The following MED13L variants were observed in gnomAD, a reference collection of about 807,000 sequenced individuals.
MED13L encodes mediator of RNA polymerase II transcription subunit 13-like.
In MED13L, 7 loss-of-function variants were observed where a neutral mutation model predicts 220.9. That is an observed-to-expected ratio of 0.03 (90% CI 0.02 to 0.06). The LOEUF is 0.06. Ranked by LOEUF, MED13L falls within the 10% of genes least tolerant of loss-of-function variation. The pLI, the probability that MED13L is intolerant of heterozygous loss-of-function variation, is 1.00. For missense variants in MED13L, 1,965 were observed against 2,760.5 expected (o/e 0.71, Z 6.46); for synonymous variants, 1,011 against 1,015.2 (o/e 1.00, Z 0.08).
intron 1 of MED13L, among the ~76,000 whole-genome samples, chr12:116,258,628 T>C (rs1872248545): frequency 6.6e-6 from 1 of 151,856 alleles, no homozygotes; most frequent in Non-Finnish European, 1.5e-5. Context: ...AATACAAAAA[T>C]TAGCCTGGCA....
intron 13 of MED13L, 131 bp from the exon 14 acceptor site, chr12:116,003,233 T>TA: frequency 1.4e-6 from 1 of 737,546 alleles, no homozygotes; most frequent in Admixed American, 2.1e-5. Flanking sequence ...CCTCTAGAAA[T>TA]ACCAACAGAT....
At chr12:116,268,662 G>A (rs949602285) in intron 1 of MED13L, among the ~76,000 whole-genome samples, 2 of 149,910 alleles carry the variant, frequency 1.3e-5, no homozygotes, top group African/African-American at 2.4e-5. Context: ...TCATAAATTT[G>A]TCAAATGTTT....
rs376649530 is a variant in MED13L at position 116,019,734 on chromosome 12, G to C, written c.820+44C>G. ...ATGATTATCTTTTTAAATTAAGGAA[G>C]AGGAAGAAGAATAAAGTTCTTCAGG... On this transcript the variant is annotated intron_variant, in intron 6 of 30. Coordinates refer to ENST00000281928, the MANE Select transcript of MED13L (RefSeq NM_015335.5). The C allele has an allele frequency of 1.6e-4, 254 of 1,550,232 alleles. 1 individual carries two copies. Among genetic ancestry groups the C allele is most frequent in the Non-Finnish European group, 2.1e-4 (231 of 1,122,372 alleles).
intron 4 of MED13L, among the ~76,000 whole-genome samples, chr12:116,090,429 T>C (rs1212569744): frequency 6.6e-6 from 1 of 152,206 alleles, no homozygotes. Flanking sequence ...ATCAAATCTC[T>C]TGCAGTGGTG....
rs756880342 is a variant in MED13L, at chr12:115,991,248, G to T, written c.3706C>A (p.Pro1236Thr). 8 of 1,614,094 alleles carry T rather than the reference G, an allele frequency of 5.0e-6. No individual in the cohort carries two copies. In the Admixed American group the frequency reaches 1.2e-4, roughly 24 times the overall value. ...TCCAGGAAATTCAGTGAAGCAAAAG[G>T]TTGTGTGTGTTGATTCTGGAGGAGG... ...LLLLQNQHTQ[P>T]FASLNFLDYI... Residue 1236 changes from proline (P) to threonine (T), a missense_variant, in exon 17 of 31, where the codon CCT becomes ACT. This residue lies in a region of MED13L where 165 missense variants were observed against 190.8 expected (regional missense o/e 0.86). Coordinates refer to ENST00000281928, the MANE Select transcript of MED13L (RefSeq NM_015335.5). This position sits in a 1 kb window ranked among gnomAD's most constrained non-coding sequence, Gnocchi z 7.7.
chr12:116,210,802 G>GT (rs1882650877), intron 2 of MED13L, among the ~76,000 whole-genome samples: 2 of 151,836 alleles, frequency 1.3e-5, no homozygotes, highest in South Asian at 2.1e-4. Context: ...TAGGGAAAAT[G>GT]TAAGTAGTAA....
intron 2 of MED13L, among the ~76,000 whole-genome samples, chr12:116,188,130 TAA>T (rs11351336): frequency 1.3e-5 from 2 of 148,194 alleles, no homozygotes; most frequent in East Asian, 2.0e-4. Context: ...AACAAATTAT[TAA>T]AAAAAAAAAT....
intron 2 of MED13L, among the ~76,000 whole-genome samples, chr12:116,234,311 T>G (rs1869866398): frequency 6.6e-6 from 1 of 152,046 alleles, no homozygotes; most frequent in Non-Finnish European, 1.5e-5. Context: ...CACTGTAACC[T>G]CTGCCTCCCG....
At chr12:116,122,100 T>TA (rs962255740) in intron 2 of MED13L, among the ~76,000 whole-genome samples, 158 of 148,714 alleles carry the variant, frequency 1.1e-3, no homozygotes, top group Non-Finnish European at 1.4e-3. Context: ...TCGTAGTGTT[T>TA]AAAAAAAAAA....
chr12:116,185,562 C>T (rs774121047), intron 2 of MED13L, among the ~76,000 whole-genome samples: 2 of 152,110 alleles, frequency 1.3e-5, no homozygotes, highest in African/African-American at 4.8e-5. Flanking sequence ...TCAAAGCCCT[C>T]GGTAATCTGG....
At chr12:116,125,520 T>G (rs2137977725) in intron 2 of MED13L, among the ~76,000 whole-genome samples, 1 of 152,336 alleles carries the variant, frequency 6.6e-6, no homozygotes, top group South Asian at 2.1e-4. Context: ...CAGTGTATTT[T>G]GAAGAGAAGT....
At chr12:116,276,715 G>A in intron 1 of MED13L, 1 of 876,860 alleles carries the variant, frequency 1.1e-6, no homozygotes, top group Non-Finnish European at 1.5e-6. Flanking sequence ...ATTTACGGGG[G>A]GAAAAAAAGG....
intron 2 of MED13L, among the ~76,000 whole-genome samples, chr12:116,159,022 T>C (rs903192639): frequency 6.6e-5 from 10 of 152,174 alleles, no homozygotes; most frequent in African/African-American, 2.4e-4. Context: ...CTGAAAAATA[T>C]GTTCAATCCT....
At chr12:115,980,370 G>C (rs533114031) in intron 23 of MED13L, 3 of 223,748 alleles carry the variant, frequency 1.3e-5, no homozygotes, top group African/African-American at 6.8e-5. Flanking sequence ...TTGCTCTCCA[G>C]GCGGAAGTGG....
intron 2 of MED13L, among the ~76,000 whole-genome samples, chr12:116,125,625 A>G (rs1335450345): frequency 6.6e-6 from 1 of 152,192 alleles, no homozygotes; most frequent in Non-Finnish European, 1.5e-5. Context: ...GATAACATCT[A>G]TACAATTTCT....
Position 116,012,811 on chromosome 12 carries a change from G to T in MED13L, c.1266C>A (p.Ser422Arg). The change falls in exon 9 of 31, where the codon AGC (serine) becomes AGA (arginine). Residue 422 changes from serine (S) to arginine (R), a missense_variant. Around this residue, in one of 10 missense-constraint regions of MED13L, gnomAD observed 818 missense variants for 1,041.2 expected, o/e 0.79. Transcript: ENST00000281928. Reference protein sequence around the residue: ...WDFVDPTQRVSCSCSRHKLLK... With the variant: ...WDFVDPTQRVRCSCSRHKLLK... Reference sequence around the variant, plus strand: ...TTATTACCTACCTGGAACAAGAACAGCTGACTCTTTGGGTTGGATCCACAA... The same window carrying T: ...TTATTACCTACCTGGAACAAGAACATCTGACTCTTTGGGTTGGATCCACAA... The T allele has an allele frequency of 3.7e-6, 6 of 1,612,558 alleles. No homozygotes were observed. Among genetic ancestry groups the T allele is most frequent in the Non-Finnish European group, 5.1e-6 (6 of 1,178,586 alleles).
intron 2 of MED13L, among the ~76,000 whole-genome samples, chr12:116,181,839 C>A (rs1438521307): frequency 6.6e-6 from 1 of 152,174 alleles, no homozygotes; most frequent in African/African-American, 2.4e-5. Flanking sequence ...TTGTGAGCTG[C>A]AACAAAATGG....
chr12:116,000,615 T>A (rs184317797), intron 14 of MED13L, among the ~76,000 whole-genome samples: 18 of 152,332 alleles, frequency 1.2e-4, no homozygotes, highest in Non-Finnish European at 2.1e-4. Context: ...TCCAACTCTT[T>A]CCTTTTGTCT....
chr12:115,975,128 T>C (rs760952395), intron 25 of MED13L, 43 bp downstream of exon 25: 6 of 1,596,574 alleles, frequency 3.8e-6, no homozygotes, highest in Non-Finnish European at 5.2e-6. Context: ...AGCTGAGCCC[T>C]TTTCCTCTGT....
Sources: gnomAD v4.1 joint callset for allele counts (sites outside exome capture counted in the v4.1 genomes callset) on GRCh38, gnomAD v4.1.1 for gene constraint, gnomAD v4.1.1 regional missense constraint, Gnocchi (gnomAD v3.1) non-coding constraint, MANE v1.5 for transcripts, NCBI Gene and HGNC (gene_info 2026-07-23, HGNC 2026-07-21) for gene names.